Variants in RLF observed in about 807,000 individuals in gnomAD.
RLF encodes zinc finger protein Rlf.
A neutral mutation model predicts 162.9 loss-of-function variants in RLF; 7 were observed. The ratio of observed to expected loss-of-function variants is 0.04; its 90% CI spans 0.02 to 0.08. The LOEUF (loss-of-function observed/expected upper bound fraction) is 0.08, where lower values mean the gene tolerates loss of function less well. Among genes scored for constraint, RLF ranks in the 10% least tolerant of loss-of-function variants. RLF has a pLI of 1.00. For synonymous variants in RLF, 782 were observed against 791.5 expected (o/e 0.99, Z 0.20); for missense variants, 1,664 against 2,244.7 (o/e 0.74, Z 5.23).
At chr1:40,177,254 G>A (rs114766359) in intron 1 of RLF, among the ~76,000 whole-genome samples, 1 of 151,710 alleles carries the variant, frequency 6.6e-6, no homozygotes, top group Admixed American at 6.6e-5. Flanking sequence ...ATCAGCATGA[G>A]CCACCACAAC....
At chr1:40,224,594 T>C (rs1268311464) in intron 6 of RLF, among the ~76,000 whole-genome samples, 2 of 147,672 alleles carry the variant, frequency 1.4e-5, no homozygotes, top group East Asian at 3.9e-4. Flanking sequence ...TTTTTTTTTT[T>C]TTTTTTCCCC....
chr1:40,170,536 A>C (rs950164568), intron 1 of RLF, among the ~76,000 whole-genome samples: 1 of 152,122 alleles, frequency 6.6e-6, no homozygotes, highest in African/African-American at 2.4e-5. Context: ...GTGAGTGCCA[A>C]CTTGCCCGGC....
At chr1:40,180,336 G>A (rs1287590447) in intron 1 of RLF, among the ~76,000 whole-genome samples, 3 of 152,052 alleles carry the variant, frequency 2.0e-5, no homozygotes, top group African/African-American at 7.2e-5. Context: ...TTGACTCATT[G>A]TAACCTCTGC....
intron 3 of RLF, among the ~76,000 whole-genome samples, chr1:40,191,541 A>G (rs942230573): frequency 1.4e-5 from 2 of 146,894 alleles, no homozygotes; most frequent in African/African-American, 5.0e-5. Flanking sequence ...CTGTCTCGGA[A>G]AAAAAAAAAA....
At chr1:40,196,895 T>C (rs915445434) in intron 4 of RLF, among the ~76,000 whole-genome samples, 1 of 152,242 alleles carries the variant, frequency 6.6e-6, no homozygotes, top group Admixed American at 6.5e-5. Flanking sequence ...AAAAGTATCT[T>C]CTTTGATAGA....
At chr1:40,221,282 C>G (rs866217669) in intron 5 of RLF, among the ~76,000 whole-genome samples, 3 of 151,204 alleles carry the variant, frequency 2.0e-5, no homozygotes, top group Admixed American at 6.6e-5. Flanking sequence ...ATAATATTGC[C>G]TGCCTTGCCA....
At chr1:40,191,216 G>A (rs1642552631) in intron 3 of RLF, among the ~76,000 whole-genome samples, 1 of 152,086 alleles carries the variant, frequency 6.6e-6, no homozygotes, top group East Asian at 1.9e-4. Flanking sequence ...TTACATCTAA[G>A]GTTCACCTTT....
chr1:40,195,001 T>C (rs147174891), intron 3 of RLF, among the ~76,000 whole-genome samples: 69,412 of 150,600 alleles, frequency 0.46, 18,407 homozygotes, highest in Middle Eastern at 0.59. Flanking sequence ...GCCCGGCTAA[T>C]TTTTTGTATT....
At chr1:40,169,789 T>A (rs1285822237) in intron 1 of RLF, among the ~76,000 whole-genome samples, 4 of 147,150 alleles carry the variant, frequency 2.7e-5, no homozygotes, top group African/African-American at 1.0e-4. Flanking sequence ...GCCTCCCGGG[T>A]TCAAGTGATT....
chr1:40,172,638 A>G (rs114744800), intron 1 of RLF, among the ~76,000 whole-genome samples: 7,360 of 152,090 alleles, frequency 0.048, 584 homozygotes, highest in African/African-American at 0.17. Context: ...TACAAAAATC[A>G]GCAGGTAGTC....
chr1:40,201,833 G>A (rs1404432130), intron 4 of RLF, among the ~76,000 whole-genome samples: 3 of 152,006 alleles, frequency 2.0e-5, no homozygotes, highest in African/African-American at 4.8e-5. Flanking sequence ...GGTCAAATCA[G>A]TTTAGGAAAC....
chr1:40,168,160 A>G (rs1306497921), intron 1 of RLF, among the ~76,000 whole-genome samples: 1 of 152,102 alleles, frequency 6.6e-6, no homozygotes, highest in Non-Finnish European at 1.5e-5. Flanking sequence ...GGCTGCAGTA[A>G]GCCATATTCG....
intron 1 of RLF, among the ~76,000 whole-genome samples, chr1:40,165,215 C>G (rs1483830886): frequency 6.6e-6 from 1 of 152,196 alleles, no homozygotes; most frequent in African/African-American, 2.4e-5. Flanking sequence ...TCAGCCCTCC[C>G]CTTGTCAGTC....
At chr1:40,202,934 A>T (rs897375924) in intron 5 of RLF, among the ~76,000 whole-genome samples, 1 of 152,056 alleles carries the variant, frequency 6.6e-6, no homozygotes, top group Non-Finnish European at 1.5e-5. Context: ...GGGAATGCAG[A>T]AGTTGTTAAT....
chr1:40,210,242 TAGTTAC>T (rs1221041586), intron 5 of RLF, among the ~76,000 whole-genome samples: 6 of 152,200 alleles, frequency 3.9e-5, no homozygotes, highest in Non-Finnish European at 7.3e-5. Context: ...TTGCCAAAAA[TAGTTAC>T]AGAAAGAGAA....
chr1:40,171,990 A>G (rs934670846), intron 1 of RLF, among the ~76,000 whole-genome samples: 1 of 152,182 alleles, frequency 6.6e-6, no homozygotes, highest in Non-Finnish European at 1.5e-5. Flanking sequence ...AAAGGTTTCA[A>G]GCTTATATAC....
intron 1 of RLF, among the ~76,000 whole-genome samples, chr1:40,171,997 A>C (rs539044247): frequency 1.3e-5 from 2 of 152,338 alleles, no homozygotes; most frequent in Admixed American, 6.5e-5. Context: ...TCAAGCTTAT[A>C]TACTAAAACC....
At position 40,237,316 on chromosome 1, in the gene RLF, T is replaced by C; in HGVS notation, c.2614T>C (p.Cys872Arg). The C allele has an allele frequency of 6.2e-7, 1 of 1,614,108 alleles. No individual in the cohort carries two copies. The highest frequency in any genetic ancestry group is 8.5e-7 in the Non-Finnish European group (1 of 1,179,996). Reference sequence around the variant, plus strand: ...ATCACATTTACCTGAAGATCTTTTCTGTGCAGAATCAGCTAATTCTCAAAT... The same window carrying C: ...ATCACATTTACCTGAAGATCTTTTCCGTGCAGAATCAGCTAATTCTCAAAT... Reference protein sequence around the residue: ...DKSHLPEDLFCAESANSQIDT... With the variant: ...DKSHLPEDLFRAESANSQIDT... Residue 872 changes from cysteine (C) to arginine (R), a missense_variant, in exon 8 of 8, where the codon TGT (cysteine) becomes CGT (arginine). Cys to Arg is a radical substitution (Grantham distance 180). Around this residue, in one of 15 missense-constraint regions of RLF, gnomAD observed 295 missense variants for 317.4 expected, o/e 0.93. Coordinates refer to ENST00000372771, the MANE Select transcript of RLF (RefSeq NM_012421.4). This position sits in a 1 kb window ranked among gnomAD's most constrained non-coding sequence, Gnocchi z 4.4.
intron 3 of RLF, among the ~76,000 whole-genome samples, chr1:40,194,097 C>T (rs1249395486): frequency 6.6e-6 from 1 of 152,118 alleles, no homozygotes; most frequent in Non-Finnish European, 1.5e-5. Flanking sequence ...CTCCTTTTCC[C>T]TCACCCTTGA....
Sources: allele counts gnomAD v4.1 joint callset (sites outside exome capture counted in the v4.1 genomes callset), GRCh38; gene constraint gnomAD v4.1.1; regional missense constraint gnomAD v4.1.1; non-coding constraint Gnocchi (gnomAD v3.1); transcripts MANE v1.5; gene names NCBI Gene and HGNC (gene_info 2026-07-23, HGNC 2026-07-21).